SPAG16: variants seen among roughly 807,000 people sequenced by gnomAD.
The protein encoded by SPAG16 is sperm associated antigen 16.
SPAG16 carries 86 observed loss-of-function variants against 80.4 expected under a neutral mutation model. That is an observed-to-expected ratio of 1.07 (90% CI 0.90 to 1.28). SPAG16 has a LOEUF of 1.28. Among genes scored for constraint, SPAG16 ranks in the 50% most tolerant of loss-of-function variants. The pLI, the probability that SPAG16 is intolerant of heterozygous loss-of-function variation, is 0.00. For synonymous variants in SPAG16, 294 were observed against 265.9 expected (o/e 1.11, Z -1.03); for missense variants, 870 against 765.3 (o/e 1.14, Z -1.61).
chr2:214,015,512 C>A (rs1179663209), intron 13 of SPAG16, among the ~76,000 whole-genome samples: 1 of 151,636 alleles, frequency 6.6e-6, no homozygotes, highest in South Asian at 2.1e-4. Flanking sequence ...GCAGGAGAAT[C>A]GCTTGTATCC....
At chr2:213,465,477 C>G (rs1261280938) in intron 9 of SPAG16, among the ~76,000 whole-genome samples, 1 of 152,208 alleles carries the variant, frequency 6.6e-6, no homozygotes, top group Non-Finnish European at 1.5e-5. Flanking sequence ...TAGGTTTGCA[C>G]TACTATCTGT....
At chr2:213,943,025 G>C (rs2079276568) in intron 12 of SPAG16, among the ~76,000 whole-genome samples, 1 of 152,162 alleles carries the variant, frequency 6.6e-6, no homozygotes, top group Admixed American at 6.5e-5. Context: ...ACAATGAGAA[G>C]ATGGCCATCT....
At chr2:214,148,848 C>T (rs2055801883) in intron 14 of SPAG16, among the ~76,000 whole-genome samples, 1 of 151,574 alleles carries the variant, frequency 6.6e-6, no homozygotes. Context: ...AATGAAAATG[C>T]TTGTCTGAAA....
intron 10 of SPAG16, among the ~76,000 whole-genome samples, chr2:213,574,697 TATATG>T (rs2060057874): frequency 1.3e-5 from 2 of 148,340 alleles, no homozygotes; most frequent in African/African-American, 2.5e-5. Context: ...ATATATATGA[TATATG>T]ATATATGATA....
chr2:214,215,924 ACT>A (rs1191109117), intron 15 of SPAG16, among the ~76,000 whole-genome samples: 2 of 152,240 alleles, frequency 1.3e-5, no homozygotes, highest in South Asian at 2.1e-4. Flanking sequence ...AGAAAACATG[ACT>A]CTGTTTCTAA....
chr2:213,302,613 C>G (rs1249648728), intron 3 of SPAG16: 2 of 105,256 alleles, frequency 1.9e-5, no homozygotes, highest in Non-Finnish European at 4.3e-5. Context: ...CACATTAGAG[C>G]TTGGAAGGGG....
intron 15 of SPAG16, among the ~76,000 whole-genome samples, chr2:214,253,104 T>TTTTA (rs1690419479): frequency 6.6e-6 from 1 of 151,486 alleles, no homozygotes. Context: ...TTTTTTTTTT[T>TTTTA]GAGAAGGATC....
chr2:214,218,923 A>C (rs1355144566), intron 15 of SPAG16, among the ~76,000 whole-genome samples: 1 of 152,164 alleles, frequency 6.6e-6, no homozygotes, highest in East Asian at 1.9e-4. Context: ...TTATTGTTGA[A>C]AGGCTTGGGT....
chr2:213,938,096 TA>T (rs1421459707), intron 12 of SPAG16, among the ~76,000 whole-genome samples: 13 of 151,768 alleles, frequency 8.6e-5, no homozygotes, highest in Non-Finnish European at 5.9e-5. Flanking sequence ...GATATTCTGA[TA>T]AAAGCGAATA....
chr2:213,876,300 G>C (rs1338641850), intron 11 of SPAG16, among the ~76,000 whole-genome samples: 32 of 53,970 alleles, frequency 5.9e-4, no homozygotes, highest in Non-Finnish European at 5.7e-4. Flanking sequence ...TATTAACTTT[G>C]AACCAAAAAA....
intron 15 of SPAG16, chr2:214,281,144 G>A: frequency 2.7e-6 from 1 of 374,278 alleles, no homozygotes; most frequent in Admixed American, 3.0e-5. Context: ...AGAAGCCTGT[G>A]GTCCAGCAGC....
chr2:213,497,529 T>A (rs2074545960), intron 10 of SPAG16, among the ~76,000 whole-genome samples: 1 of 152,030 alleles, frequency 6.6e-6, no homozygotes, highest in African/African-American at 2.4e-5. Context: ...ACAGAGCATT[T>A]TCAATTCCAG....
At chr2:213,644,794 G>A (rs1296539189) in intron 10 of SPAG16, among the ~76,000 whole-genome samples, 1 of 152,318 alleles carries the variant, frequency 6.6e-6, no homozygotes, top group East Asian at 1.9e-4. Context: ...TGATGGTACT[G>A]GGTCAGACCT....
At chr2:213,429,842 C>A (rs918100106) in intron 9 of SPAG16, among the ~76,000 whole-genome samples, 3 of 152,108 alleles carry the variant, frequency 2.0e-5, no homozygotes, top group African/African-American at 7.2e-5. Flanking sequence ...AATAAAAGTC[C>A]TGCCCCCAAG....
At chr2:213,921,851 A>G (rs528734442) in intron 11 of SPAG16, among the ~76,000 whole-genome samples, 22 of 152,322 alleles carry the variant, frequency 1.4e-4, no homozygotes, top group African/African-American at 5.1e-4. Flanking sequence ...TCCTGAATAT[A>G]AGCACTCAAT....
intron 10 of SPAG16, among the ~76,000 whole-genome samples, chr2:213,645,141 G>T (rs1044457614): frequency 1.5e-4 from 23 of 152,302 alleles, no homozygotes; most frequent in African/African-American, 5.5e-4. Context: ...ACCACCGCAG[G>T]CCATGAGGAG....
chr2:213,763,570 A>T (rs1386957510), intron 10 of SPAG16, among the ~76,000 whole-genome samples: 2 of 152,200 alleles, frequency 1.3e-5, no homozygotes, highest in African/African-American at 4.8e-5. Flanking sequence ...ATGCAACATT[A>T]AAAAGTTCTA....
At chr2:213,932,949 AACACACACACACACACACACACACAC>A (rs3076792) in intron 12 of SPAG16, among the ~76,000 whole-genome samples, 2 of 144,044 alleles carry the variant, frequency 1.4e-5, no homozygotes, top group Admixed American at 6.9e-5. Context: ...GTTGTTTGAA[AACACACACACACACACACACACACAC>A]ACACACACAC....
intron 12 of SPAG16, among the ~76,000 whole-genome samples, chr2:213,973,421 A>G (rs948505899): frequency 6.6e-6 from 1 of 152,012 alleles, no homozygotes; most frequent in Non-Finnish European, 1.5e-5. Flanking sequence ...AAACAAGAAC[A>G]TTATGTCAGC....
Sources: allele counts gnomAD v4.1 joint callset (sites outside exome capture counted in the v4.1 genomes callset), GRCh38; gene constraint gnomAD v4.1.1; transcripts MANE v1.5; gene names NCBI Gene and HGNC (gene_info 2026-07-23, HGNC 2026-07-21).